The following FGF12 variants were observed in gnomAD, a reference collection of about 807,000 sequenced individuals.
The protein encoded by FGF12 is fibroblast growth factor 12.
In FGF12, 14 loss-of-function variants were observed where a neutral mutation model predicts 23.6. The ratio of observed to expected loss-of-function variants is 0.59; its 90% CI spans 0.39 to 0.93. FGF12 has a LOEUF of 0.93. Among genes scored for constraint, FGF12 ranks in the 40% least tolerant of loss-of-function variants. FGF12 has a pLI of 0.00. For missense variants in FGF12, 175 were observed against 217.8 expected, an observed-to-expected ratio of 0.80 and a Z score of 1.24; for synonymous variants, 62 against 77.3, an observed-to-expected ratio of 0.80 and a Z score of 1.04.
rs376981053 is a variant in FGF12 at position 192,411,502 on chromosome 3, C to T, written c.14-50964G>A. Among the ~76,000 whole-genome samples the T allele has an allele frequency of 1.4e-3, 215 of 152,334 alleles. 3 individuals carry two copies. Among genetic ancestry groups the T allele is most frequent in the South Asian group, 5.0e-3 (24 of 4,828 alleles). On this transcript the variant is annotated intron_variant, in intron 2 of 5. Coordinates refer to ENST00000445105, the MANE Select transcript of FGF12 (RefSeq NM_004113.6). ...GAACAAGACACGTGAAAAAGACACACGCACACACACACCTCAGGTCCAAAA... is the reference window on the plus strand; with the variant it reads ...GAACAAGACACGTGAAAAAGACACATGCACACACACACCTCAGGTCCAAAA...
intron 2 of FGF12, among the ~76,000 whole-genome samples, chr3:192,576,770 G>A (rs116763246): frequency 0.022 from 3,322 of 152,174 alleles, 53 homozygotes; most frequent in African/African-American, 0.04. Flanking sequence ...TGTTTATTGC[G>A]GCACTATTCA....
intron 2 of FGF12, among the ~76,000 whole-genome samples, chr3:192,658,869 A>G (rs1716545599): frequency 6.6e-6 from 1 of 152,162 alleles, no homozygotes; most frequent in Non-Finnish European, 1.5e-5. Flanking sequence ...ACAAACAAAC[A>G]AACAAAAAAC....
At chr3:192,453,987 A>T (rs565291836) in intron 2 of FGF12, among the ~76,000 whole-genome samples, 13 of 152,106 alleles carry the variant, frequency 8.5e-5, no homozygotes, top group African/African-American at 3.1e-4. Context: ...TTTCCTTTCT[A>T]ATCAAAATTT....
intron 4 of FGF12, among the ~76,000 whole-genome samples, chr3:192,305,364 G>A (rs1162384136): frequency 6.6e-6 from 1 of 151,952 alleles, no homozygotes; most frequent in African/African-American, 2.4e-5. Flanking sequence ...TTTAAACAGA[G>A]ATATAATACC....
At chr3:192,329,122 A>G (rs1330200875) in intron 4 of FGF12, among the ~76,000 whole-genome samples, 3 of 152,190 alleles carry the variant, frequency 2.0e-5, no homozygotes, top group Non-Finnish European at 4.4e-5. Flanking sequence ...GTTGGGCCAA[A>G]TATGTGGCCC....
At chr3:192,207,220 A>T (rs532274772) in intron 4 of FGF12, among the ~76,000 whole-genome samples, 61 of 152,346 alleles carry the variant, frequency 4.0e-4, no homozygotes, top group Non-Finnish European at 3.1e-4. Flanking sequence ...TTTGTAGAGC[A>T]TATAGTTTCT....
intron 5 of FGF12, among the ~76,000 whole-genome samples, chr3:192,164,621 A>C (rs1715058907): frequency 6.6e-6 from 1 of 152,192 alleles, no homozygotes. Context: ...AAAAAACAAA[A>C]GAACAAAAGC....
rs370039965 is a variant in FGF12 at position 192,227,988 on chromosome 3, A to G, written c.229-57332T>C. Among the ~76,000 whole-genome samples the G allele has an allele frequency of 4.3e-4, 66 of 152,290 alleles. No homozygotes were observed. In the East Asian group the frequency reaches 5.6e-3, roughly 13 times the overall value. On this transcript the variant is annotated intron_variant, in intron 4 of 5. Transcript: ENST00000445105. ...GTTTGTTTGTTTAGAAGAAATAAAG[A>G]TAAGTCATGGGGGGATGAGGAAAGA...
chr3:192,576,922 C>T (rs1051732228), intron 2 of FGF12, among the ~76,000 whole-genome samples: 1 of 152,250 alleles, frequency 6.6e-6, no homozygotes, highest in African/African-American at 2.4e-5. Flanking sequence ...GGGGATGAAG[C>T]TGGTAACCAT....
intron 3 of FGF12, among the ~76,000 whole-genome samples, chr3:192,341,407 T>C (rs182478620): frequency 5.3e-4 from 80 of 152,310 alleles, no homozygotes; most frequent in African/African-American, 1.9e-3. Context: ...TCCATAATAA[T>C]GGGAAGGAAA....
chr3:192,712,200 T>C (rs1459940918), intron 2 of FGF12, among the ~76,000 whole-genome samples: 5 of 150,960 alleles, frequency 3.3e-5, no homozygotes, highest in Non-Finnish European at 7.4e-5. Context: ...ATAAAACATA[T>C]GAAAAATAGA....
intron 2 of FGF12, among the ~76,000 whole-genome samples, chr3:192,605,363 G>C (rs1405403456): frequency 6.9e-6 from 1 of 144,098 alleles, no homozygotes; most frequent in Non-Finnish European, 1.5e-5. Context: ...CCTGGGGAAA[G>C]AGGGAGACTC....
intron 2 of FGF12, among the ~76,000 whole-genome samples, chr3:192,700,012 A>G (rs943050466): frequency 1.3e-5 from 2 of 152,214 alleles, no homozygotes; most frequent in Non-Finnish European, 2.9e-5. Flanking sequence ...CTAACACAAG[A>G]TAGAACCCAA....
At chr3:192,218,933 C>A (rs1465000520) in intron 4 of FGF12, among the ~76,000 whole-genome samples, 1 of 152,206 alleles carries the variant, frequency 6.6e-6, no homozygotes, top group Non-Finnish European at 1.5e-5. Context: ...CCTGACCCTG[C>A]CTTTCGGCTG....
chr3:192,450,985 C>G (rs1400919487), intron 2 of FGF12, among the ~76,000 whole-genome samples: 1 of 152,148 alleles, frequency 6.6e-6, no homozygotes, highest in East Asian at 1.9e-4. Flanking sequence ...TCTCCACTAA[C>G]AAAATGAAAA....
rs10663137 is a variant in FGF12, at chr3:192,305,666, G to GAAA, written c.228+29692_228+29694dup. ...AATAAGGGAGAGAAAGGTGGCTTAG[G>GAAA]AAAAAAAAAAAAAATATATATATAT... is the stretch of plus-strand genomic sequence containing the variant. On this transcript the variant is annotated intron_variant, in intron 4 of 5. Transcript: ENST00000445105. Among the ~76,000 whole-genome samples the GAAA allele has an allele frequency of 3.0e-3, 373 of 125,136 alleles. 1 individual carries two copies. The highest frequency in any genetic ancestry group is 0.01 in the East Asian group (47 of 4,634). The allele number at this position is 125,136 out of a possible 152,430, so 82.1% of individuals were successfully genotyped here. A position where few individuals can be genotyped will look rare whatever the true frequency, so the allele number is the denominator to read the frequency against.
rs529012134 is a variant in FGF12, at chr3:192,676,988, C to T, written c.13+50193G>A. ...TTACAGCAGCCCTAGAAAACGAATTCGGTGAGTTTGAGATAGAGGCGCAGT... is the reference window on the plus strand; with the variant it reads ...TTACAGCAGCCCTAGAAAACGAATTTGGTGAGTTTGAGATAGAGGCGCAGT... On this transcript the variant is annotated intron_variant, in intron 2 of 5. Transcript: ENST00000445105. Among the ~76,000 whole-genome samples, 4 of 152,306 alleles carry T rather than the reference C, an allele frequency of 2.6e-5. No individual in the cohort carries two copies. The East Asian group carries it at 5.8e-4, about 22-fold the overall frequency.
At chr3:192,345,113 T>C (rs1012492076) in intron 3 of FGF12, among the ~76,000 whole-genome samples, 5 of 152,218 alleles carry the variant, frequency 3.3e-5, no homozygotes, top group Non-Finnish European at 7.3e-5. Context: ...TACTATGGCC[T>C]ACTAGGTTTA....
chr3:192,414,881 C>T (rs1352399909), intron 2 of FGF12, among the ~76,000 whole-genome samples: 4 of 152,058 alleles, frequency 2.6e-5, no homozygotes, highest in African/African-American at 9.7e-5. Flanking sequence ...ATTCTCTCCC[C>T]GTGAAGCTCT....
Sources: allele counts gnomAD v4.1 joint callset (sites outside exome capture counted in the v4.1 genomes callset), GRCh38; gene constraint gnomAD v4.1.1; transcripts MANE v1.5; gene names NCBI Gene and HGNC (gene_info 2026-07-23, HGNC 2026-07-21).